The following MALRD1 variants were observed in gnomAD, a reference collection of about 807,000 sequenced individuals.
The protein encoded by MALRD1 is MAM and LDL receptor class A domain containing 1.
Under a neutral mutation model 242.1 loss-of-function variants are expected in MALRD1, and 247 were observed. The ratio of observed to expected loss-of-function variants is 1.02; its 90% CI spans 0.92 to 1.13. The LOEUF (loss-of-function observed/expected upper bound fraction) is 1.13, where lower values mean the gene tolerates loss of function less well. Ranked by LOEUF, MALRD1 falls within the 50% of genes most tolerant of loss-of-function variation. MALRD1 has a pLI of 0.00. For missense variants in MALRD1, 2,989 were observed against 2,533.1 expected (o/e 1.18, Z -3.86); for synonymous variants, 995 against 866.6 (o/e 1.15, Z -2.60).
rs117010053 is a variant in MALRD1 at position 19,683,114 on chromosome 10, G to A, written c.6138-9168G>A. The stretch of plus-strand genomic sequence containing the variant: ...GTTCAAGACCAGCCTGGCCAATATG[G>A]GGAAACCCCATCTCTACCGGAAAAA... On this transcript the variant is annotated intron_variant, in intron 36 of 39. Coordinates refer to ENST00000454679, the MANE Select transcript of MALRD1 (RefSeq NM_001142308.3). Among the ~76,000 whole-genome samples, 1,047 of 150,554 alleles carry A rather than the reference G, an allele frequency of 7.0e-3. 21 individuals carry two copies. The highest frequency in any genetic ancestry group is 0.062 in the East Asian group (314 of 5,068).
intron 21 of MALRD1, among the ~76,000 whole-genome samples, chr10:19,293,851 G>A (rs192653515): frequency 1.1e-4 from 17 of 152,084 alleles, no homozygotes; most frequent in South Asian, 2.1e-4. Flanking sequence ...ACAAATCCCC[G>A]TTACATGAAT....
intron 5 of MALRD1, among the ~76,000 whole-genome samples, chr10:19,117,201 G>C (rs1396258164): frequency 6.6e-6 from 1 of 151,974 alleles, no homozygotes; most frequent in Non-Finnish European, 1.5e-5. Context: ...TGAGCTCTGG[G>C]ATTGAATGCA....
intron 19 of MALRD1, among the ~76,000 whole-genome samples, chr10:19,271,702 G>A (rs929370300): frequency 1.3e-5 from 2 of 152,246 alleles, no homozygotes; most frequent in South Asian, 4.1e-4. Flanking sequence ...GGTGGAGGTT[G>A]CAGTGAGCCG....
intron 21 of MALRD1, among the ~76,000 whole-genome samples, chr10:19,301,206 A>G (rs553244444): frequency 1.3e-4 from 20 of 151,952 alleles, no homozygotes; most frequent in Non-Finnish European, 2.5e-4. Flanking sequence ...AAAGTCAAAA[A>G]TTAACACAGG....
At chr10:19,223,052 A>G (rs1420154551) in intron 18 of MALRD1, among the ~76,000 whole-genome samples, 1 of 152,214 alleles carries the variant, frequency 6.6e-6, no homozygotes, top group African/African-American at 2.4e-5. Context: ...TATGGAACAT[A>G]TCAACTCACT....
chr10:19,320,805 T>A (rs973596514), intron 21 of MALRD1, among the ~76,000 whole-genome samples: 9 of 152,304 alleles, frequency 5.9e-5, no homozygotes, highest in Middle Eastern at 3.4e-3. Context: ...GTGGTTTTGA[T>A]TTGCATTTCG....
intron 12 of MALRD1, among the ~76,000 whole-genome samples, chr10:19,156,179 G>T (rs1309589361): frequency 1.3e-5 from 2 of 152,164 alleles, no homozygotes. Context: ...TTATTCCGAG[G>T]TATAAACCTA....
rs983693180 is a variant in MALRD1, at chr10:19,520,784, A to G, written c.5321-10410A>G. 7.2e-5 allele frequency among the ~76,000 whole-genome samples: 11 copies of G among 152,080 alleles called. No homozygotes were observed. In the East Asian group the frequency reaches 1.7e-3, roughly 24 times the overall value. On this transcript the variant is annotated intron_variant, in intron 31 of 39. Transcript: ENST00000454679. ...AACCCTGATTATCTACAGCTGCTCT[A>G]TATTTCTTCAGCTATTCACCCCATC...
At chr10:19,413,699 T>TTAGG (rs1833377706) in intron 28 of MALRD1, among the ~76,000 whole-genome samples, 1 of 152,024 alleles carries the variant, frequency 6.6e-6, no homozygotes, top group South Asian at 2.1e-4. Context: ...TTAAATGATT[T>TTAGG]TAGGCTGTGT....
intron 29 of MALRD1, among the ~76,000 whole-genome samples, chr10:19,473,869 C>A (rs1399341949): frequency 2.6e-5 from 4 of 152,048 alleles, no homozygotes; most frequent in African/African-American, 4.8e-5. Context: ...TATGGTAATT[C>A]TATTTGTAAT....
At chr10:19,586,839 G>T (rs767811638) in intron 33 of MALRD1, among the ~76,000 whole-genome samples, 1 of 152,230 alleles carries the variant, frequency 6.6e-6, no homozygotes, top group Non-Finnish European at 1.5e-5. Flanking sequence ...CTGCCGCCTT[G>T]CAGTTTGATC....
intron 38 of MALRD1, among the ~76,000 whole-genome samples, chr10:19,725,740 A>T (rs759048992): frequency 1.3e-5 from 2 of 152,332 alleles, no homozygotes; most frequent in African/African-American, 2.4e-5. Flanking sequence ...ATGAGAACAG[A>T]CATATAGATC....
chr10:19,690,753 G>A (rs1181874381), intron 36 of MALRD1, among the ~76,000 whole-genome samples: 1 of 151,736 alleles, frequency 6.6e-6, no homozygotes, highest in African/African-American at 2.4e-5. Context: ...TATACATTTA[G>A]ATAAATAGGC....
At chr10:19,304,891 A>G (rs1013698133) in intron 21 of MALRD1, among the ~76,000 whole-genome samples, 1 of 151,776 alleles carries the variant, frequency 6.6e-6, no homozygotes, top group African/African-American at 2.4e-5. Flanking sequence ...TTTGGCAAGC[A>G]TTCCTTTTTG....
chr10:19,171,429 CATATATATATATATATATATATATAT>C (rs71387049), intron 13 of MALRD1, among the ~76,000 whole-genome samples: 1 of 61,422 alleles, frequency 1.6e-5, no homozygotes, highest in South Asian at 5.3e-4. Flanking sequence ...ATTTTATATA[CATATATATATATATATATATATATAT>C]ATACACACAT....
chr10:19,058,242 T>C (rs896289187), intron 1 of MALRD1, among the ~76,000 whole-genome samples: 1 of 152,196 alleles, frequency 6.6e-6, no homozygotes, highest in Admixed American at 6.5e-5. Flanking sequence ...TGTCTGATCC[T>C]GAAACATCAA....
intron 14 of MALRD1, among the ~76,000 whole-genome samples, chr10:19,201,500 T>C (rs1255678018): frequency 6.6e-6 from 1 of 152,202 alleles, no homozygotes; most frequent in East Asian, 1.9e-4. Flanking sequence ...ATAGATATTA[T>C]ACATTAATAA....
At chr10:19,204,251 T>G in intron 15 of MALRD1, 57 bp from the exon 16 acceptor site, 5 of 1,111,422 alleles carry the variant, frequency 4.5e-6, no homozygotes, top group Non-Finnish European at 6.4e-6. Flanking sequence ...GACAGATGTC[T>G]CATTTTAGAA....
At chr10:19,246,679 C>G (rs976242533) in intron 18 of MALRD1, among the ~76,000 whole-genome samples, 5 of 152,030 alleles carry the variant, frequency 3.3e-5, no homozygotes, top group African/African-American at 1.2e-4. Flanking sequence ...AATATTTACC[C>G]CAGGCATAAC....
Sources: allele counts gnomAD v4.1 joint callset (sites outside exome capture counted in the v4.1 genomes callset), GRCh38; gene constraint gnomAD v4.1.1; transcripts MANE v1.5; gene names NCBI Gene and HGNC (gene_info 2026-07-23, HGNC 2026-07-21).